Variants in ELAPOR1 observed in about 807,000 individuals in gnomAD.
ELAPOR1 encodes endosome/lysosome-associated apoptosis and autophagy regulator 1.
A neutral mutation model predicts 119.7 loss-of-function variants in ELAPOR1; 77 were observed. The observed-to-expected ratio is 0.64, with a 90% CI of 0.54 to 0.78. The LOEUF (loss-of-function observed/expected upper bound fraction) is 0.78, where lower values mean the gene tolerates loss of function less well. Among genes scored for constraint, ELAPOR1 ranks in the 30% least tolerant of loss-of-function variants. ELAPOR1 has a pLI of 0.00. For missense variants in ELAPOR1, 1,115 were observed against 1,270.4 expected, an observed-to-expected ratio of 0.88 and a Z score of 1.86; for synonymous variants, 481 against 487.2, an observed-to-expected ratio of 0.99 and a Z score of 0.17.
chr1:109,199,785 A>G, intron 18 of ELAPOR1, 69 bp from the exon 19 acceptor site: 1 of 1,574,198 alleles, frequency 6.4e-7, no homozygotes, highest in Middle Eastern at 2.3e-4. Flanking sequence ...ATGAGACAAC[A>G]GGCTTCCAAC....
chr1:109,140,465 A>G (rs1649759526), intron 1 of ELAPOR1, among the ~76,000 whole-genome samples: 1 of 152,238 alleles, frequency 6.6e-6, no homozygotes, highest in African/African-American at 2.4e-5. Flanking sequence ...TGGGGCAGCC[A>G]TACAACCTGA....
In ELAPOR1 at chr1:109,171,863, C is replaced by T. The variant is rs1651944587; in HGVS notation, c.468-3C>T. Reference sequence around the variant, plus strand: ...TGTGAACCTGGTTCCTGTTCCTTCACAGGTCCAAGTGGGTTCCCCGGGGCG... The same window carrying T: ...TGTGAACCTGGTTCCTGTTCCTTCATAGGTCCAAGTGGGTTCCCCGGGGCG... On this transcript the variant is annotated splice_region_variant and splice_polypyrimidine_tract_variant and intron_variant, in intron 3 of 21. Coordinates refer to ENST00000369939, the MANE Select transcript of ELAPOR1 (RefSeq NM_020775.5). 1 of 1,614,132 alleles carries T rather than the reference C, an allele frequency of 6.2e-7. No individual in the cohort carries two copies. Among genetic ancestry groups the T allele is most frequent in the Non-Finnish European group, 8.5e-7 (1 of 1,179,998 alleles).
chr1:109,164,238 C>A (rs952310386), intron 2 of ELAPOR1, among the ~76,000 whole-genome samples: 6 of 152,128 alleles, frequency 3.9e-5, no homozygotes, highest in Non-Finnish European at 8.8e-5. Context: ...CACAAATCTA[C>A]TTTCTGTCTC....
chr1:109,141,712 C>T (rs1309816556), intron 1 of ELAPOR1, among the ~76,000 whole-genome samples: 1 of 151,918 alleles, frequency 6.6e-6, no homozygotes, highest in Non-Finnish European at 1.5e-5. Context: ...TGTGCCCAGG[C>T]TGGAGTGCAA....
chr1:109,155,477 C>T (rs1306626771), intron 1 of ELAPOR1, among the ~76,000 whole-genome samples: 4 of 152,116 alleles, frequency 2.6e-5, no homozygotes, highest in Non-Finnish European at 5.9e-5. Context: ...CAAGCCCGGC[C>T]GTGAACATCA....
Position 109,152,569 on chromosome 1 carries a change from G to A in ELAPOR1, c.154-9325G>A, listed in dbSNP as rs537143519. Reference sequence around the variant, plus strand: ...GGTAGTTATTCTTAGCCCTGTTAATGTTTTACTCAAATATAGCCATTTATC... The same window carrying A: ...GGTAGTTATTCTTAGCCCTGTTAATATTTTACTCAAATATAGCCATTTATC... On this transcript the variant is annotated intron_variant, in intron 1 of 21. Coordinates refer to ENST00000369939, the MANE Select transcript of ELAPOR1 (RefSeq NM_020775.5). Among the ~76,000 whole-genome samples, 12 of 152,162 alleles carry A rather than the reference G, an allele frequency of 7.9e-5. 1 individual carries two copies. In the South Asian group the frequency reaches 2.3e-3, roughly 29 times the overall value.
At chr1:109,197,436 C>A in intron 15 of ELAPOR1, 38 bp from the exon 16 acceptor site, 1 of 1,588,188 alleles carries the variant, frequency 6.3e-7, no homozygotes, top group Non-Finnish European at 8.6e-7. Flanking sequence ...TGTGACCACT[C>A]ACTTCTTCCT....
At chr1:109,141,814 C>T (rs999807965) in intron 1 of ELAPOR1, among the ~76,000 whole-genome samples, 4 of 151,938 alleles carry the variant, frequency 2.6e-5, no homozygotes, top group Admixed American at 6.6e-5. Context: ...CACAGGAGTG[C>T]ACCACCACAC....
chr1:109,185,188 C>A (rs1652971846), intron 8 of ELAPOR1, 55 bp downstream of exon 8: 2 of 1,358,160 alleles, frequency 1.5e-6, no homozygotes, highest in Admixed American at 1.7e-5. Context: ...CTCCCACTCC[C>A]TGAGGTTTGC....
At chr1:109,201,485 T>C (rs772348655) in intron 21 of ELAPOR1, 2 of 402,968 alleles carry the variant, frequency 5.0e-6, no homozygotes, top group African/African-American at 2.1e-5. Context: ...GCAGACAGCA[T>C]ACAAGCAGGT....
intron 1 of ELAPOR1, among the ~76,000 whole-genome samples, chr1:109,121,525 G>A (rs777616969): frequency 2.0e-5 from 3 of 152,078 alleles, no homozygotes; most frequent in African/African-American, 4.8e-5. Context: ...GAATATGGAA[G>A]TAACAGCCTT....
chr1:109,194,338 G>A (rs928458066), intron 14 of ELAPOR1, 83 bp from the exon 15 acceptor site: 85 of 1,298,654 alleles, frequency 6.5e-5, no homozygotes, highest in African/African-American at 1.1e-4. Context: ...GGGACCAGAC[G>A]GGGGAGAAAA....
At chr1:109,199,545 A>C (rs1276973469) in intron 18 of ELAPOR1, among the ~76,000 whole-genome samples, 1 of 151,058 alleles carries the variant, frequency 6.6e-6, no homozygotes, top group Admixed American at 6.6e-5. Context: ...TGGGGAGGAC[A>C]GGAACCTCAA....
chr1:109,176,217 C>T (rs568962901), intron 7 of ELAPOR1, among the ~76,000 whole-genome samples: 1 of 152,220 alleles, frequency 6.6e-6, no homozygotes, highest in South Asian at 2.1e-4. Flanking sequence ...GGTATCGAGG[C>T]TCTGATGTGG....
In ELAPOR1 at chr1:109,200,550, C is replaced by T. The variant is rs544662321; in HGVS notation, c.2808-185C>T. 5.3e-5 allele frequency among the ~76,000 whole-genome samples: 8 copies of T among 152,304 alleles called. No homozygotes were observed. In the South Asian group the frequency reaches 1.7e-3, roughly 32 times the overall value. Reference sequence around the variant, plus strand: ...CATAGAAACAGACAGCCTTAAGGAACAAAGATCACTGAACTGGGAACTAAG... The same window carrying T: ...CATAGAAACAGACAGCCTTAAGGAATAAAGATCACTGAACTGGGAACTAAG... On this transcript the variant is annotated intron_variant, in intron 20 of 21. Coordinates refer to ENST00000369939, the MANE Select transcript of ELAPOR1 (RefSeq NM_020775.5).
chr1:109,198,156 A>G (rs1394236100), intron 17 of ELAPOR1, 81 bp downstream of exon 17: 1 of 1,079,124 alleles, frequency 9.3e-7, no homozygotes, highest in South Asian at 1.3e-5. Context: ...CTCTCTAGCC[A>G]CCTACTGCTT....
intron 3 of ELAPOR1, among the ~76,000 whole-genome samples, chr1:109,170,275 G>T (rs1416919372): frequency 1.3e-5 from 2 of 152,196 alleles, no homozygotes; most frequent in Non-Finnish European, 2.9e-5. Flanking sequence ...TTAGTGGAGG[G>T]TACGCAGAGG....
At chr1:109,182,519 T>C (rs1019510632) in intron 7 of ELAPOR1, among the ~76,000 whole-genome samples, 1 of 151,870 alleles carries the variant, frequency 6.6e-6, no homozygotes, top group Non-Finnish European at 1.5e-5. Flanking sequence ...TTGCCTAAAG[T>C]GACACAGCTG....
chr1:109,120,547 C>A (rs1382152111), intron 1 of ELAPOR1, among the ~76,000 whole-genome samples: 2 of 152,110 alleles, frequency 1.3e-5, no homozygotes, highest in African/African-American at 4.8e-5. Flanking sequence ...CTTGGACTTC[C>A]CAGCCTCCAG....
Sources: allele counts gnomAD v4.1 joint callset (sites outside exome capture counted in the v4.1 genomes callset), GRCh38; gene constraint gnomAD v4.1.1; transcripts MANE v1.5; gene names NCBI Gene and HGNC (gene_info 2026-07-23, HGNC 2026-07-21).